ARFGEF1: variants seen among roughly 807,000 people sequenced by gnomAD.
ARFGEF1 encodes brefeldin A-inhibited guanine nucleotide-exchange protein 1.
Under a neutral mutation model 231.0 loss-of-function variants are expected in ARFGEF1, and 42 were observed. That is an observed-to-expected ratio of 0.18 (90% CI 0.14 to 0.24). The LOEUF is 0.24. Among genes scored for constraint, ARFGEF1 ranks in the 10% least tolerant of loss-of-function variants. ARFGEF1 has a pLI of 1.00. For synonymous variants in ARFGEF1, 710 were observed against 732.3 expected (o/e 0.97, Z 0.49); for missense variants, 1,345 against 2,192.0 (o/e 0.61, Z 7.72).
Position 67,265,990 on chromosome 8 carries a change from A to T in ARFGEF1, c.2123+16T>A. 1 of 1,611,580 alleles carries T rather than the reference A, an allele frequency of 6.2e-7. No individual in the cohort carries two copies. The highest frequency in any genetic ancestry group is 8.5e-7 in the Non-Finnish European group (1 of 1,178,084). On this transcript the variant is annotated intron_variant, in intron 14 of 38. Transcript: ENST00000262215. Reference sequence around the variant, plus strand: ...GAGATATTCAATAACATTTCTCCTTAAGCTATGACACTTACAAATCTATCC... The same window carrying T: ...GAGATATTCAATAACATTTCTCCTTTAGCTATGACACTTACAAATCTATCC...
chr8:67,343,414 A>T lies in ARFGEF1; in HGVS notation c.-127T>A. 1 of 1,411,908 alleles carries T rather than the reference A, an allele frequency of 7.1e-7. No individual in the cohort carries two copies. The highest frequency in any genetic ancestry group is 9.3e-7 in the Non-Finnish European group (1 of 1,075,366). 87.5% of individuals were successfully genotyped at this position (1,411,908 alleles called of 1,614,324 possible). A position where few individuals can be genotyped will look rare whatever the true frequency, so the allele number is the denominator to read the frequency against. On this transcript the variant is annotated 5_prime_UTR_variant, in exon 1 of 39. Coordinates refer to ENST00000262215, the MANE Select transcript of ARFGEF1 (RefSeq NM_006421.5). Reference sequence around the variant, plus strand: ...TGGAGGTGGGGGATTGGAGGCGTGGAGGGCAGCGGCAGGATCAGGAAGGGG... The same window carrying T: ...TGGAGGTGGGGGATTGGAGGCGTGGTGGGCAGCGGCAGGATCAGGAAGGGG...
chr8:67,319,330 T>C (rs1448772131), intron 1 of ARFGEF1, among the ~76,000 whole-genome samples: 1 of 152,132 alleles, frequency 6.6e-6, no homozygotes, highest in Non-Finnish European at 1.5e-5. Flanking sequence ...TTTTAAATTA[T>C]AATAATCAAA....
chr8:67,216,467 A>C, intron 33 of ARFGEF1, 123 bp downstream of exon 33: 1 of 849,676 alleles, frequency 1.2e-6, no homozygotes, highest in South Asian at 1.9e-5. Context: ...TAAGTAATCC[A>C]GTCTCAGATA....
intron 10 of ARFGEF1, among the ~76,000 whole-genome samples, chr8:67,268,783 C>T (rs1208641196): frequency 6.6e-6 from 1 of 152,122 alleles, no homozygotes; most frequent in Non-Finnish European, 1.5e-5. Flanking sequence ...CTTTGAAATA[C>T]ATAGTAGGCT....
chr8:67,197,442 C>T (rs990236021), downstream of ARFGEF1, among the ~76,000 whole-genome samples: 10 of 151,970 alleles, frequency 6.6e-5, no homozygotes, highest in Non-Finnish European at 8.8e-5. Context: ...GAGTGAGATC[C>T]GGTCTCTAAA....
At chr8:67,188,369 T>C (rs911878820) in intron 5 of ARFGEF1, among the ~76,000 whole-genome samples, 3 of 152,168 alleles carry the variant, frequency 2.0e-5, no homozygotes, top group Non-Finnish European at 4.4e-5. Flanking sequence ...ACACAGGGCT[T>C]GTAACTCAGC....
chr8:67,313,661 G>A (rs981748537), intron 1 of ARFGEF1, among the ~76,000 whole-genome samples: 2 of 152,188 alleles, frequency 1.3e-5, no homozygotes, highest in African/African-American at 4.8e-5. Context: ...AGTTCTGGTA[G>A]AGGTGGCGGA....
chr8:67,206,978 A>G (rs1428133809), intron 34 of ARFGEF1: 1 of 152,208 alleles, frequency 6.6e-6, no homozygotes, highest in African/African-American at 2.4e-5. Flanking sequence ...ACTTTCATTT[A>G]TTCTTATTGA....
At chr8:67,210,873 T>C (rs1055967220) in intron 34 of ARFGEF1, among the ~76,000 whole-genome samples, 1 of 150,548 alleles carries the variant, frequency 6.6e-6, no homozygotes. Context: ...GCCAACATGG[T>C]GAAACCCTGT....
Position 67,218,055 on chromosome 8 carries a change from A to G in ARFGEF1, c.4422T>C (p.Ser1474=). 6.2e-7 allele frequency: 1 copy of G among 1,612,088 alleles called. No individual in the cohort carries two copies. Among genetic ancestry groups the G allele is most frequent in the South Asian group, 1.1e-5 (1 of 90,730 alleles). The change falls in exon 31 of 39, where the codon AGT becomes AGC. Residue 1474 remains serine, a synonymous_variant. Coordinates refer to ENST00000262215, the MANE Select transcript of ARFGEF1 (RefSeq NM_006421.5). ...CAAAAATGTCATCCAAAAGTACATC[A>G]CTGAGTACTTCTAAATACTGAGTGA... ...DVFTQYLEVL[S]DVLLDDIFAQ...
At chr8:67,343,059 A>T (rs921111224) in intron 1 of ARFGEF1, 105 bp downstream of exon 1, 3 of 1,337,620 alleles carry the variant, frequency 2.2e-6, no homozygotes, top group Non-Finnish European at 3.0e-6. Flanking sequence ...CCGAGGTCAG[A>T]GGCGCGGGCC....
At chr8:67,284,986 T>C (rs1805690598) in intron 7 of ARFGEF1, among the ~76,000 whole-genome samples, 2 of 151,932 alleles carry the variant, frequency 1.3e-5, no homozygotes, top group African/African-American at 4.8e-5. Context: ...AACGTGGGTG[T>C]TAGCTTGAAC....
Position 67,311,283 on chromosome 8 carries a change from A to T in ARFGEF1, c.125-8817T>A, listed in dbSNP as rs1230263939. 1.9e-4 allele frequency among the ~76,000 whole-genome samples: 13 copies of T among 67,234 alleles called. No individual in the cohort carries two copies. In the East Asian group the frequency reaches 2.0e-3, roughly 10 times the overall value. The allele number at this position is 67,234 out of a possible 152,430, so 44.1% of individuals were successfully genotyped here. On this transcript the variant is annotated intron_variant, in intron 1 of 38. Transcript: ENST00000262215. ...CGGCCAGCCGCCCCGTCCGGGAGGG[A>T]GGTGGGGGGGGTCAGCCCCCCCGCC...
At chr8:67,200,160 C>T (rs574644195) in intron 38 of ARFGEF1, 36 of 537,872 alleles carry the variant, frequency 6.7e-5, no homozygotes, top group Admixed American at 3.7e-4. Flanking sequence ...TCTGATCCCT[C>T]GCCTACTGAA....
chr8:67,313,514 T>C lies in ARFGEF1; in HGVS notation c.125-11048A>G, dbSNP rs187519344. 6.6e-5 allele frequency among the ~76,000 whole-genome samples: 10 copies of C among 152,336 alleles called. No homozygotes were observed. In the East Asian group the frequency reaches 1.9e-3, roughly 29 times the overall value. On this transcript the variant is annotated intron_variant, in intron 1 of 38. Transcript: ENST00000262215. ...TACTCTCCCCCTTTTCCCATGGATG[T>C]GGCTTCCTGTGAGCCGAACTGCAGT...
chr8:67,180,750 C>T (rs1041001704), intron 5 of ARFGEF1, among the ~76,000 whole-genome samples: 4 of 151,788 alleles, frequency 2.6e-5, no homozygotes, highest in African/African-American at 7.3e-5. Flanking sequence ...TACCTGTGTA[C>T]CTTAATTATT....
intron 29 of ARFGEF1, among the ~76,000 whole-genome samples, chr8:67,220,932 T>G (rs546572782): frequency 2.8e-4 from 42 of 151,428 alleles, no homozygotes; most frequent in Middle Eastern, 3.2e-3. Flanking sequence ...CTTAAGTAGT[T>G]GGTATAGGGA....
At chr8:67,179,239 A>T (rs190020146) in intron 5 of ARFGEF1, among the ~76,000 whole-genome samples, 2 of 152,062 alleles carry the variant, frequency 1.3e-5, no homozygotes, top group Non-Finnish European at 2.9e-5. Flanking sequence ...AATAAGCCCA[A>T]TCTTAGCATT....
chr8:67,230,985 A>G (rs909928889), intron 23 of ARFGEF1, among the ~76,000 whole-genome samples: 34 of 152,102 alleles, frequency 2.2e-4, no homozygotes, highest in African/African-American at 8.2e-4. Context: ...AGCTATAAAG[A>G]ACTAAACATA....
Sources: allele counts gnomAD v4.1 joint callset (sites outside exome capture counted in the v4.1 genomes callset), GRCh38; gene constraint gnomAD v4.1.1; transcripts MANE v1.5; gene names NCBI Gene and HGNC (gene_info 2026-07-23, HGNC 2026-07-21).